ANKIB1: variants seen among roughly 807,000 people sequenced by gnomAD.
ANKIB1 encodes ankyrin repeat and IBR domain containing 1.
In ANKIB1, 43 loss-of-function variants were observed where a neutral mutation model predicts 122.1. The observed-to-expected ratio is 0.35, with a 90% CI of 0.28 to 0.45. The LOEUF (loss-of-function observed/expected upper bound fraction) is 0.45. Ranked by LOEUF, ANKIB1 falls within the 20% of genes least tolerant of loss-of-function variation. The pLI is 1.00. For synonymous variants in ANKIB1, 390 were observed against 442.0 expected (o/e 0.88, Z 1.48); for missense variants, 992 against 1,329.5 (o/e 0.75, Z 3.95).
intron 9 of ANKIB1, among the ~76,000 whole-genome samples, chr7:92,360,671 A>C (rs1803922221): frequency 6.6e-6 from 1 of 152,370 alleles, no homozygotes; most frequent in East Asian, 1.9e-4. Context: ...TTTTCACAGC[A>C]ACTGCATCAG....
intron 9 of ANKIB1, among the ~76,000 whole-genome samples, chr7:92,358,212 A>G (rs1803865599): frequency 6.6e-6 from 1 of 152,230 alleles, no homozygotes; most frequent in South Asian, 2.1e-4. Context: ...ATTGCACTCC[A>G]GCCTGGGCCA....
intron 1 of ANKIB1, among the ~76,000 whole-genome samples, chr7:92,260,937 A>G (rs1306893377): frequency 2.6e-5 from 4 of 152,192 alleles, no homozygotes; most frequent in African/African-American, 9.7e-5. Context: ...TGAGAAGTAC[A>G]CTTGAAAAAA....
At chr7:92,344,753 T>A (rs1803505419) in intron 6 of ANKIB1, among the ~76,000 whole-genome samples, 2 of 152,198 alleles carry the variant, frequency 1.3e-5, no homozygotes, top group African/African-American at 4.8e-5. Context: ...AAGGGTTTGA[T>A]TTTTGCATTA....
At chr7:92,365,207 T>C (rs922447848) in intron 10 of ANKIB1, among the ~76,000 whole-genome samples, 7 of 152,308 alleles carry the variant, frequency 4.6e-5, no homozygotes, top group African/African-American at 1.2e-4. Flanking sequence ...AAATGTGTTA[T>C]GAATGTGAGA....
chr7:92,301,859 T>G (rs1260888813), intron 2 of ANKIB1, among the ~76,000 whole-genome samples: 1 of 152,212 alleles, frequency 6.6e-6, no homozygotes, highest in Non-Finnish European at 1.5e-5. Context: ...GACTATTACT[T>G]TCTCATGCTG....
In ANKIB1 at chr7:92,314,314, A is replaced by G. The variant is rs552587907; in HGVS notation, c.487-5016A>G. On this transcript the variant is annotated intron_variant, in intron 3 of 19. Transcript: ENST00000265742. ...TGCTGTCTCCAAAAAAAAAAAAGAA[A>G]AAGAATTTTTAATCGGAGAGTGATA... Among the ~76,000 whole-genome samples, 7 of 152,266 alleles carry G rather than the reference A, an allele frequency of 4.6e-5. No individual in the cohort carries two copies. In the South Asian group the frequency reaches 1.2e-3, roughly 27 times the overall value.
intron 16 of ANKIB1, 150 bp downstream of exon 16, chr7:92,391,494 G>T: frequency 1.4e-6 from 1 of 704,560 alleles, no homozygotes; most frequent in Non-Finnish European, 2.0e-6. Flanking sequence ...TTTTTTTGGT[G>T]ATTTTTTTTT....
chr7:92,365,962 ATTT>A (rs1204129262), intron 10 of ANKIB1, among the ~76,000 whole-genome samples: 1 of 151,190 alleles, frequency 6.6e-6, no homozygotes, highest in Admixed American at 6.6e-5. Context: ...TGCCCGGCTA[ATTT>A]TTTGTATTTT....
At chr7:92,352,421 T>C in intron 8 of ANKIB1, 55 bp from the exon 9 acceptor site, 1 of 1,559,274 alleles carries the variant, frequency 6.4e-7, no homozygotes, top group Non-Finnish European at 8.8e-7. Context: ...CACTCTGTAT[T>C]AGAATTTAGC....
intron 2 of ANKIB1, among the ~76,000 whole-genome samples, chr7:92,304,640 C>T (rs1486609258): frequency 6.6e-6 from 1 of 151,854 alleles, no homozygotes; most frequent in Non-Finnish European, 1.5e-5. Flanking sequence ...TTAATAATTT[C>T]TTTCTTAATT....
At chr7:92,351,402 A>C (rs911497440) in intron 8 of ANKIB1, among the ~76,000 whole-genome samples, 1 of 152,188 alleles carries the variant, frequency 6.6e-6, no homozygotes, top group African/African-American at 2.4e-5. Context: ...TGATCAAGAT[A>C]ATGTTCAAAT....
intron 5 of ANKIB1, among the ~76,000 whole-genome samples, chr7:92,329,256 G>A (rs898974466): frequency 2.0e-5 from 3 of 151,996 alleles, no homozygotes; most frequent in East Asian, 1.9e-4. Context: ...GTGAGTCACC[G>A]CACCCAGCCT....
intron 10 of ANKIB1, among the ~76,000 whole-genome samples, chr7:92,368,930 G>A (rs1202648917): frequency 1.3e-5 from 2 of 152,162 alleles, no homozygotes; most frequent in Non-Finnish European, 2.9e-5. Flanking sequence ...TTATGTTGCA[G>A]GCCACACTGC....
chr7:92,333,436 G>C, intron 5 of ANKIB1, among the ~76,000 whole-genome samples: 1 of 152,074 alleles, frequency 6.6e-6, no homozygotes, highest in East Asian at 1.9e-4. Context: ...TTTCTAGAAT[G>C]TCTTTCCCTT....
At chr7:92,261,560 A>G (rs1413858469) in intron 1 of ANKIB1, among the ~76,000 whole-genome samples, 3 of 152,098 alleles carry the variant, frequency 2.0e-5, no homozygotes, top group Admixed American at 2.0e-4. Context: ...AGATGACTTT[A>G]TGTCATGATT....
intron 2 of ANKIB1, among the ~76,000 whole-genome samples, chr7:92,306,428 C>G (rs76301986): frequency 2.6e-5 from 4 of 152,124 alleles, no homozygotes; most frequent in African/African-American, 4.8e-5. Context: ...AAACACTCAC[C>G]GTGGAATTAG....
chr7:92,255,461 C>T (rs1801417205), intron 1 of ANKIB1, among the ~76,000 whole-genome samples: 2 of 152,262 alleles, frequency 1.3e-5, no homozygotes, highest in South Asian at 4.1e-4. Flanking sequence ...TCTGTTTAGT[C>T]ATCCAGGCTT....
At chr7:92,319,181 C>G in intron 3 of ANKIB1, 149 bp from the exon 4 acceptor site, 2 of 421,066 alleles carry the variant, frequency 4.7e-6, no homozygotes, top group East Asian at 7.3e-5. Flanking sequence ...TATCTAAATA[C>G]CTTTTTTTTT....
At chr7:92,262,525 A>G (rs1164586002) in intron 1 of ANKIB1, among the ~76,000 whole-genome samples, 5 of 152,214 alleles carry the variant, frequency 3.3e-5, no homozygotes, top group Non-Finnish European at 5.9e-5. Flanking sequence ...GTAGTTAATC[A>G]AATGGAGAAA....
Sources: allele counts gnomAD v4.1 joint callset (sites outside exome capture counted in the v4.1 genomes callset), GRCh38; gene constraint gnomAD v4.1.1; transcripts MANE v1.5; gene names NCBI Gene and HGNC (gene_info 2026-07-23, HGNC 2026-07-21).